Variants in SLC25A24 observed in about 807,000 individuals in gnomAD.
The protein encoded by SLC25A24 is mitochondrial adenyl nucleotide antiporter SLC25A24.
A neutral mutation model predicts 60.7 loss-of-function variants in SLC25A24; 49 were observed. The observed-to-expected ratio is 0.81, with a 90% CI of 0.64 to 1.02. SLC25A24 has a LOEUF of 1.02. Among genes scored for constraint, SLC25A24 ranks in the 50% least tolerant of loss-of-function variants. The pLI is 0.00. For synonymous variants in SLC25A24, 202 were observed against 200.6 expected (o/e 1.01, Z -0.06); for missense variants, 564 against 586.3 (o/e 0.96, Z 0.39).
At position 108,200,230 on chromosome 1, in the gene SLC25A24, C is replaced by CGGGGCGCGCGGCGCAACAGCGTTT. The variant is rs1553257732; in HGVS notation, c.-116_-93dup. 1.6e-5 allele frequency: 21 copies of CGGGGCGCGCGGCGCAACAGCGTTT among 1,276,470 alleles called. No individual in the cohort carries two copies. The highest frequency in any genetic ancestry group is 1.9e-5 in the Non-Finnish European group (19 of 982,092). The allele number at this position is 1,276,470 out of a possible 1,614,324, so 79.1% of individuals were successfully genotyped here. On this transcript the variant is annotated 5_prime_UTR_variant, in exon 1 of 10. Coordinates refer to ENST00000565488, the MANE Select transcript of SLC25A24 (RefSeq NM_013386.5). ...GGGACCAGCGCGAGGCCGGGCTGGG[C>CGGGGCGCGCGGCGCAACAGCGTTT]GGGGCGCGCGGCGCAACAGCGTTTG...
intron 3 of SLC25A24, among the ~76,000 whole-genome samples, chr1:108,171,800 A>G (rs1056343317): frequency 6.6e-6 from 1 of 152,226 alleles, no homozygotes; most frequent in Non-Finnish European, 1.5e-5. Flanking sequence ...TTAATCCTTA[A>G]AACAAGCCCA....
In SLC25A24 at chr1:108,175,700, T is replaced by A. The variant is rs552063245; in HGVS notation, c.398+6241A>T. On this transcript the variant is annotated intron_variant, in intron 3 of 9. Transcript: ENST00000565488. ...GCAAGACCCTTTCTCAAAAAAAAAA[T>A]AAAAATCAAAAAATGAAAAGACAGA... Among the ~76,000 whole-genome samples the A allele has an allele frequency of 4.6e-5, 7 of 151,224 alleles. No individual in the cohort carries two copies. In the East Asian group the frequency reaches 9.7e-4, roughly 21 times the overall value.
At chr1:108,180,554 G>A (rs909049252) in intron 3 of SLC25A24, among the ~76,000 whole-genome samples, 1 of 151,196 alleles carries the variant, frequency 6.6e-6, no homozygotes, top group African/African-American at 2.4e-5. Context: ...GTCAAATAAA[G>A]TCATAAGAAT....
At position 108,191,370 on chromosome 1, in the gene SLC25A24, T is replaced by C. The variant is rs1014232826; in HGVS notation, c.184-5416A>G. ...GTCTTGAACTCCTGACCCCAAGTGA[T>C]CCACCTGCCTTGGCCTCCCAAAGTG... On this transcript the variant is annotated intron_variant, in intron 1 of 9. Coordinates refer to ENST00000565488, the MANE Select transcript of SLC25A24 (RefSeq NM_013386.5). Among the ~76,000 whole-genome samples the C allele has an allele frequency of 5.7e-5, 8 of 139,978 alleles. 1 individual carries two copies. The highest frequency in any genetic ancestry group is 2.0e-4 in the African/African-American group (8 of 40,212). 91.8% of individuals were successfully genotyped at this position (139,978 alleles called of 152,430 possible).
At chr1:108,198,486 ACAT>A (rs1648563925) in intron 1 of SLC25A24, 1 of 152,264 alleles carries the variant, frequency 6.6e-6, no homozygotes, top group Non-Finnish European at 1.5e-5. Context: ...AATACAAAGG[ACAT>A]CCATTGCAAT....
At position 108,135,575 on chromosome 1, in the gene SLC25A24, T is replaced by C. The variant is rs1460067117; in HGVS notation, c.*1078A>G. 6.6e-6 allele frequency: 1 copy of C among 152,238 alleles called. No individual in the cohort carries two copies. The highest frequency in any genetic ancestry group is 2.4e-5 in the African/African-American group (1 of 41,466). 9.4% of individuals were successfully genotyped at this position (152,238 alleles called of 1,614,324 possible). ...CTAAAACTTGGGGCAAGAGAGAATA[T>C]GAATGTATATGTTTACAAATTGGGC... On this transcript the variant is annotated 3_prime_UTR_variant, in exon 10 of 10. Coordinates refer to ENST00000565488, the MANE Select transcript of SLC25A24 (RefSeq NM_013386.5).
At chr1:108,148,001 T>C (rs1205352608) in intron 7 of SLC25A24, among the ~76,000 whole-genome samples, 3 of 152,164 alleles carry the variant, frequency 2.0e-5, no homozygotes, top group African/African-American at 7.2e-5. Context: ...AAGGAACTGA[T>C]GTTTCCAGCC....
rs192163737 is a variant in SLC25A24, at chr1:108,139,392, C to T, written c.1099-184G>A. 4.2e-3 allele frequency among the ~76,000 whole-genome samples: 635 copies of T among 152,224 alleles called. 4 individuals are homozygous for T. Among genetic ancestry groups the T allele is most frequent in the Non-Finnish European group, 7.5e-3 (512 of 68,020 alleles). On this transcript the variant is annotated intron_variant, in intron 8 of 9. Coordinates refer to ENST00000565488, the MANE Select transcript of SLC25A24 (RefSeq NM_013386.5). ...GAGAGGTGGGAGGCCACTGGGGGTG[C>T]GGAACACATGAGGTTTGCACCGGTT...
At position 108,134,507 on chromosome 1, in the gene SLC25A24, C is replaced by T. The variant is rs1679226851; in HGVS notation, c.*2146G>A. On this transcript the variant is annotated 3_prime_UTR_variant, in exon 10 of 10. Transcript: ENST00000565488. ...CCTGGCCAATCCTGAGGCTCTGGGT[C>T]CCCCTTGGTACTGTGAACCCCAGGG... 6.6e-6 allele frequency: 1 copy of T among 152,142 alleles called. No individual in the cohort carries two copies. The highest frequency in any genetic ancestry group is 1.5e-5 in the Non-Finnish European group (1 of 68,040). The allele number at this position is 152,142 out of a possible 1,614,324, so 9.4% of individuals were successfully genotyped here.
intron 9 of SLC25A24, among the ~76,000 whole-genome samples, chr1:108,137,205 A>T (rs1302296143): frequency 6.6e-6 from 1 of 152,188 alleles, no homozygotes; most frequent in Non-Finnish European, 1.5e-5. Flanking sequence ...TAGGGCTGAG[A>T]TCCAATGGTC....
intron 3 of SLC25A24, among the ~76,000 whole-genome samples, chr1:108,161,914 A>G (rs1333664391): frequency 2.0e-5 from 3 of 150,910 alleles, no homozygotes; most frequent in Non-Finnish European, 4.4e-5. Flanking sequence ...GTCATCTAGC[A>G]TTAGGTATAT....
intron 7 of SLC25A24, among the ~76,000 whole-genome samples, chr1:108,146,196 C>A (rs531087743): frequency 2.0e-5 from 3 of 152,108 alleles, no homozygotes; most frequent in Non-Finnish European, 2.9e-5. Context: ...GGAGTTCACT[C>A]GTGATTTGGC....
chr1:108,154,073 A>ATTTTTT (rs3043351), intron 6 of SLC25A24, among the ~76,000 whole-genome samples: 5,060 of 133,362 alleles, frequency 0.038, 177 homozygotes, highest in African/African-American at 0.084. Context: ...ATTTTCTTTA[A>ATTTTTT]TTTTTTTTTT....
intron 6 of SLC25A24, among the ~76,000 whole-genome samples, chr1:108,149,031 C>T (rs1679683549): frequency 6.6e-6 from 1 of 152,146 alleles, no homozygotes; most frequent in Non-Finnish European, 1.5e-5. Context: ...CAGCATCCCT[C>T]CCCAGGTGTA....
chr1:108,189,864 T>TA (rs1648284730), intron 1 of SLC25A24, among the ~76,000 whole-genome samples: 1 of 128,662 alleles, frequency 7.8e-6, no homozygotes. Flanking sequence ...TAAAAAAAAA[T>TA]TAAAAAATAT....
chr1:108,155,175 T>C, intron 5 of SLC25A24, 40 bp from the exon 6 acceptor site: 3 of 1,551,952 alleles, frequency 1.9e-6, no homozygotes, highest in Non-Finnish European at 2.6e-6. Context: ...GCTGGTGGCA[T>C]ATTACTATTA....
chr1:108,140,073 G>A (rs1194956533), intron 8 of SLC25A24, among the ~76,000 whole-genome samples: 7 of 151,936 alleles, frequency 4.6e-5, no homozygotes, highest in Admixed American at 4.6e-4. Context: ...GATACTTTAA[G>A]TATAAAATAC....
intron 4 of SLC25A24, among the ~76,000 whole-genome samples, chr1:108,160,246 G>A (rs1344415707): frequency 4.7e-5 from 7 of 150,198 alleles, no homozygotes; most frequent in Non-Finnish European, 8.9e-5. Context: ...ACGGGGCGGC[G>A]GGGCAGAGGC....
intron 8 of SLC25A24, among the ~76,000 whole-genome samples, chr1:108,141,125 G>A (rs1679432624): frequency 6.6e-6 from 1 of 152,128 alleles, no homozygotes. Flanking sequence ...GGAACCCAAA[G>A]AGAAAAGGGG....
Sources: allele counts gnomAD v4.1 joint callset (sites outside exome capture counted in the v4.1 genomes callset), GRCh38; gene constraint gnomAD v4.1.1; transcripts MANE v1.5; gene names NCBI Gene and HGNC (gene_info 2026-07-23, HGNC 2026-07-21).